The following PFKFB1 variants were observed in gnomAD, a reference collection of about 807,000 sequenced individuals.
PFKFB1 encodes the protein 6-phosphofructo-2-kinase/fructose-2,6-biphosphatase 1.
PFKFB1 carries 34 observed loss-of-function variants against 46.4 expected under a neutral mutation model. The observed-to-expected ratio is 0.73, with a 90% CI of 0.56 to 0.98. The LOEUF is 0.98. PFKFB1 is among the 50% of genes least tolerant of loss of function. The pLI, the probability that PFKFB1 is intolerant of heterozygous loss-of-function variation, is 0.00. For missense variants in PFKFB1, 393 were observed against 376.3 expected (o/e 1.04, Z -0.37); for synonymous variants, 119 against 133.8 (o/e 0.89, Z 0.76).
intron 5 of PFKFB1, 105 bp from the exon 6 acceptor site, chrX:54,958,467 T>A (rs1333311438): frequency 2.0e-6 from 1 of 506,743 alleles, no homozygotes. Context: ...TCCAGGGGCA[T>A]CTCTGACAAC....
chrX:54,940,172 C>T (rs757397957), intron 10 of PFKFB1, among the ~76,000 whole-genome samples: 114 of 111,854 alleles, frequency 1.0e-3, no homozygotes, highest in Non-Finnish European at 1.4e-3. Flanking sequence ...GCAGAAAAGG[C>T]CTTTGACAAA....
intron 2 of PFKFB1, among the ~76,000 whole-genome samples, chrX:54,961,365 A>G (rs1283830741): frequency 3.6e-5 from 4 of 111,285 alleles, no homozygotes; most frequent in African/African-American, 1.3e-4. Context: ...GGTGACAGAT[A>G]TAGACTGGAC....
At chrX:54,976,656 T>C (rs1934846826) in intron 1 of PFKFB1, among the ~76,000 whole-genome samples, 1 of 111,385 alleles carries the variant, frequency 9.0e-6, no homozygotes, top group South Asian at 3.7e-4. Context: ...TGGAAGGGAA[T>C]TGAAAAATTA....
At position 54,963,401 on chromosome X, in the gene PFKFB1, C is replaced by T; in HGVS notation, c.98-19G>A. ...ATGGATGCTGAAAAATAAACAGACC[C>T]TCAAAAGCTTATCCTCAGATTCATA... On this transcript the variant is annotated intron_variant, in intron 1 of 13. Transcript: ENST00000375006. 8.3e-7 allele frequency: 1 copy of T among 1,205,383 alleles called. No homozygotes were observed. The highest frequency in any genetic ancestry group is 1.1e-6 in the Non-Finnish European group (1 of 890,874).
intron 9 of PFKFB1, among the ~76,000 whole-genome samples, chrX:54,948,220 GC>G (rs1249625701): frequency 1.8e-5 from 2 of 111,395 alleles, no homozygotes; most frequent in Non-Finnish European, 3.8e-5. Flanking sequence ...ACTGCACCTG[GC>G]CTGATTCCAC....
chrX:54,951,335 G>C lies in PFKFB1; in HGVS notation c.846+570C>G, dbSNP rs1418621691. On this transcript the variant is annotated intron_variant, in intron 8 of 13. Coordinates refer to ENST00000375006, the MANE Select transcript of PFKFB1 (RefSeq NM_002625.4). The stretch of plus-strand genomic sequence containing the variant: ...GCAACCTGCCTGGGAGGGAGGAGAG[G>C]ATGGGGAGGGCTTCCTGGAGCAGGT... 2.7e-5 allele frequency among the ~76,000 whole-genome samples: 3 copies of C among 112,380 alleles called. No homozygotes were observed. The Admixed American group carries it at 2.8e-4, about 11-fold the overall frequency.
upstream of PFKFB1, among the ~76,000 whole-genome samples, chrX:54,996,694 A>G (rs1055470396): frequency 8.9e-6 from 1 of 111,990 alleles, no homozygotes; most frequent in African/African-American, 3.2e-5. Flanking sequence ...GCTTCAGCCT[A>G]TCTGTCCAGC....
At chrX:54,998,461 T>G (rs941400456), upstream of PFKFB1, 4 of 1,140,867 alleles carry the variant, frequency 3.5e-6, no homozygotes, top group African/African-American at 5.4e-5. Context: ...TCGGTTCTCT[T>G]GCATTTACAG....
intron 1 of PFKFB1, among the ~76,000 whole-genome samples, chrX:54,987,944 T>C (rs1210031173): frequency 5.4e-5 from 6 of 111,720 alleles, no homozygotes; most frequent in Non-Finnish European, 1.1e-4. Context: ...GAAGGATGTC[T>C]GTTTTCATCT....
chrX:54,934,003 A>G, intron 12 of PFKFB1, 118 bp from the exon 13 acceptor site: 2 of 525,420 alleles, frequency 3.8e-6, no homozygotes. Flanking sequence ...CTGTGTACAG[A>G]TCATGACTCG....
At chrX:54,994,392 G>A (rs1935325540), upstream of PFKFB1, 3 of 754,162 alleles carry the variant, frequency 4.0e-6, no homozygotes, top group African/African-American at 2.3e-5. Context: ...GACTAATAGA[G>A]TATGCAAATA....
chrX:54,960,993 T>G, intron 2 of PFKFB1, 76 bp from the exon 3 acceptor site: 1 of 590,360 alleles, frequency 1.7e-6, no homozygotes, highest in Non-Finnish European at 2.8e-6. Flanking sequence ...GGGAGGGACC[T>G]CAGAGGTAGA....
At chrX:54,956,836 C>A (rs1220586980) in intron 6 of PFKFB1, among the ~76,000 whole-genome samples, 1 of 110,040 alleles carries the variant, frequency 9.1e-6, no homozygotes, top group Non-Finnish European at 1.9e-5. Context: ...TAGCAGGTAC[C>A]AAATCCTCTC....
At chrX:54,993,305 C>T (rs898122950) in intron 1 of PFKFB1, among the ~76,000 whole-genome samples, 29 of 112,544 alleles carry the variant, frequency 2.6e-4, no homozygotes, top group African/African-American at 9.4e-4. Context: ...TCTCAAATTT[C>T]CAGAGCAGCA....
intron 6 of PFKFB1, among the ~76,000 whole-genome samples, chrX:54,957,464 T>C (rs779574391): frequency 1.8e-5 from 2 of 110,758 alleles, no homozygotes; most frequent in Non-Finnish European, 3.8e-5. Context: ...TATCCATATA[T>C]ATGTCTCTAA....
intron 4 of PFKFB1, among the ~76,000 whole-genome samples, 196 bp downstream of exon 4, chrX:54,959,631 C>T (rs1934251996): frequency 8.9e-6 from 1 of 111,766 alleles, no homozygotes; most frequent in Admixed American, 9.5e-5. Flanking sequence ...TTTAATGTCT[C>T]TGTGAACCAT....
At chrX:54,966,110 A>T (rs759505763) in intron 1 of PFKFB1, among the ~76,000 whole-genome samples, 2 of 112,161 alleles carry the variant, frequency 1.8e-5, no homozygotes, top group African/African-American at 3.2e-5. Flanking sequence ...AATCACTTTA[A>T]ATGTGAATCG....
intron 1 of PFKFB1, among the ~76,000 whole-genome samples, chrX:54,966,492 A>G (rs1204937397): frequency 8.9e-6 from 1 of 112,080 alleles, no homozygotes; most frequent in Admixed American, 9.5e-5. Flanking sequence ...AATGTAAAAG[A>G]GAACTAAAAT....
chrX:54,972,890 T>C (rs748411822), intron 1 of PFKFB1, among the ~76,000 whole-genome samples: 6 of 111,916 alleles, frequency 5.4e-5, no homozygotes, highest in Non-Finnish European at 9.4e-5. Context: ...TTTCTATTGA[T>C]TGGAATAGTT....
Sources: allele counts gnomAD v4.1 joint callset (sites outside exome capture counted in the v4.1 genomes callset), GRCh38; gene constraint gnomAD v4.1.1; transcripts MANE v1.5; gene names NCBI Gene and HGNC (gene_info 2026-07-23, HGNC 2026-07-21).